The following NPSR1 variants were observed in gnomAD, a reference collection of about 807,000 sequenced individuals.
NPSR1 encodes neuropeptide S receptor 1.
Under a neutral mutation model 46.9 loss-of-function variants are expected in NPSR1, and 48 were observed. That is an observed-to-expected ratio of 1.02 (90% CI 0.81 to 1.30). The LOEUF (loss-of-function observed/expected upper bound fraction) is 1.30. Among genes scored for constraint, NPSR1 ranks in the 50% most tolerant of loss-of-function variants. The pLI, the probability that NPSR1 is intolerant of heterozygous loss-of-function variation, is 0.00. For missense variants in NPSR1, 450 were observed against 449.5 expected, an observed-to-expected ratio of 1.00 and a Z score of -0.01; for synonymous variants, 176 against 168.1, an observed-to-expected ratio of 1.05 and a Z score of -0.36.
intron 2 of NPSR1, among the ~76,000 whole-genome samples, chr7:34,725,771 T>C (rs573147276): frequency 1.3e-5 from 2 of 152,306 alleles, no homozygotes; most frequent in East Asian, 3.9e-4. Flanking sequence ...ACTATTGATA[T>C]GGTTTGGCTG....
chr7:34,756,077 C>A lies in NPSR1; in HGVS notation c.281-22385C>A, dbSNP rs561850415. On this transcript the variant is annotated intron_variant, in intron 2 of 8. Transcript: ENST00000360581. ...TTACACAGCCTCTGATTACACTCAGCTGGGAGTTCAGGGAGCCTGCTAGAC... is the reference window on the plus strand; with the variant it reads ...TTACACAGCCTCTGATTACACTCAGATGGGAGTTCAGGGAGCCTGCTAGAC... 2.0e-5 allele frequency among the ~76,000 whole-genome samples: 3 copies of A among 152,306 alleles called. No individual in the cohort carries two copies. The East Asian group carries it at 5.8e-4, about 29-fold the overall frequency.
intron 8 of NPSR1, among the ~76,000 whole-genome samples, chr7:34,861,911 G>A (rs1791199564): frequency 6.6e-6 from 1 of 151,812 alleles, no homozygotes; most frequent in African/African-American, 2.4e-5. Flanking sequence ...CTAACAGTTT[G>A]TTCTTAACTC....
At chr7:34,700,284 A>G (rs2128695363) in intron 2 of NPSR1, among the ~76,000 whole-genome samples, 1 of 152,336 alleles carries the variant, frequency 6.6e-6, no homozygotes, top group African/African-American at 2.4e-5. Context: ...TGAATACTGC[A>G]GAGGTAGTAT....
chr7:34,734,467 C>G (rs1011372833), intron 2 of NPSR1, among the ~76,000 whole-genome samples: 1 of 151,864 alleles, frequency 6.6e-6, no homozygotes. Context: ...ATGATAGGGT[C>G]GAAAATATTA....
At chr7:34,672,959 C>T (rs1792130814) in intron 1 of NPSR1, among the ~76,000 whole-genome samples, 1 of 152,200 alleles carries the variant, frequency 6.6e-6, no homozygotes, top group African/African-American at 2.4e-5. Flanking sequence ...TCTGCTGTTA[C>T]TACCTCAAAA....
intron 4 of NPSR1, among the ~76,000 whole-genome samples, chr7:34,821,056 G>C (rs1374106527): frequency 2.0e-5 from 3 of 151,610 alleles, no homozygotes; most frequent in Admixed American, 1.3e-4. Flanking sequence ...TGGCTGAGGA[G>C]GAAATCCATT....
In NPSR1 at chr7:34,863,056, A is replaced by G. The variant is rs1021259067; in HGVS notation, c.1025+14393A>G. Among the ~76,000 whole-genome samples, 62 of 151,906 alleles carry G rather than the reference A, an allele frequency of 4.1e-4. 1 individual carries two copies. Among genetic ancestry groups the G allele is most frequent in the African/African-American group, 1.5e-3 (61 of 41,176 alleles). On this transcript the variant is annotated intron_variant, in intron 8 of 8. Transcript: ENST00000359791. ...GATATGTAGACCTATGGAACAGAAC[A>G]GAGGCCTCAGAAATAATGCCACACA...
chr7:34,858,868 G>A lies in NPSR1; in HGVS notation c.1025+10205G>A, dbSNP rs184514963. 5.0e-3 allele frequency among the ~76,000 whole-genome samples: 757 copies of A among 151,776 alleles called. 30 individuals are homozygous for A. Among genetic ancestry groups the A allele is most frequent in the African/African-American group, 0.018 (723 of 41,112 alleles). On this transcript the variant is annotated intron_variant, in intron 8 of 8. Coordinates refer to the NPSR1 transcript ENST00000359791. ...GGAGCTACAGGATGAGATCTGGGGG[G>A]GGGACACAGATCCAAACCATATCAG... is the stretch of plus-strand genomic sequence containing the variant.
chr7:34,805,741 G>C (rs1012806179), intron 3 of NPSR1, among the ~76,000 whole-genome samples: 8 of 151,852 alleles, frequency 5.3e-5, no homozygotes, highest in Non-Finnish European at 1.2e-4. Context: ...TTAAGAGAAT[G>C]AAAAGACAGC....
intron 1 of NPSR1, among the ~76,000 whole-genome samples, chr7:34,660,377 T>A (rs1431859353): frequency 6.6e-6 from 1 of 152,196 alleles, no homozygotes; most frequent in East Asian, 1.9e-4. Context: ...TTAGTGTAAC[T>A]TTTTTTCTAT....
intron 3 of NPSR1, among the ~76,000 whole-genome samples, chr7:34,795,215 C>A (rs925063069): frequency 6.6e-6 from 1 of 151,958 alleles, no homozygotes; most frequent in Non-Finnish European, 1.5e-5. Context: ...ATTACAACAC[C>A]TATTATGATT....
At chr7:34,729,101 A>G (rs756959916) in intron 2 of NPSR1, among the ~76,000 whole-genome samples, 3 of 152,144 alleles carry the variant, frequency 2.0e-5, no homozygotes, top group Non-Finnish European at 2.9e-5. Context: ...ACCCCTTCTG[A>G]GCCTCTCCCA....
chr7:34,723,098 C>T (rs547867962), intron 2 of NPSR1, among the ~76,000 whole-genome samples: 15 of 152,240 alleles, frequency 9.9e-5, no homozygotes, highest in African/African-American at 2.9e-4. Flanking sequence ...AGAGCAAATC[C>T]GTCCATCCTG....
intron 8 of NPSR1, among the ~76,000 whole-genome samples, chr7:34,863,680 C>T (rs1056270889): frequency 6.6e-6 from 1 of 151,688 alleles, no homozygotes; most frequent in African/African-American, 2.4e-5. Flanking sequence ...AATGAGATAC[C>T]ATCTCATGCC....
intron 2 of NPSR1, chr7:34,750,942 C>G: frequency 2.7e-6 from 2 of 752,178 alleles, no homozygotes; most frequent in Non-Finnish European, 4.9e-6. Context: ...TGACAGGTGG[C>G]TGATGATATC....
chr7:34,845,523 T>TG (rs1194564811), intron 7 of NPSR1: 3 of 454,240 alleles, frequency 6.6e-6, no homozygotes, highest in Non-Finnish European at 1.3e-5. Flanking sequence ...TGCTCTCCGG[T>TG]GGTGCCCCGG....
intron 7 of NPSR1, 88 bp downstream of exon 7, chr7:34,845,070 T>A: frequency 1.2e-6 from 1 of 859,238 alleles, no homozygotes; most frequent in Admixed American, 1.7e-5. Context: ...GAAAGGAATT[T>A]GCCAGCAGGC....
intron 4 of NPSR1, among the ~76,000 whole-genome samples, chr7:34,824,692 G>A (rs1210154029): frequency 1.3e-5 from 2 of 151,092 alleles, no homozygotes; most frequent in East Asian, 3.9e-4. Context: ...TGAATGCACT[G>A]TTCATCCATC....
At chr7:34,823,980 G>A (rs1584101070) in intron 4 of NPSR1, among the ~76,000 whole-genome samples, 2 of 151,944 alleles carry the variant, frequency 1.3e-5, no homozygotes, top group African/African-American at 4.8e-5. Flanking sequence ...TTTGAAGAAA[G>A]GATCTTACTA....
Sources: allele counts gnomAD v4.1 joint callset (sites outside exome capture counted in the v4.1 genomes callset), GRCh38; gene constraint gnomAD v4.1.1; transcripts MANE v1.5; gene names NCBI Gene and HGNC (gene_info 2026-07-23, HGNC 2026-07-21).